The following KCTD20 variants were observed in gnomAD, a reference collection of about 807,000 sequenced individuals.
KCTD20 encodes the protein potassium channel tetramerization domain containing 20.
A neutral mutation model predicts 39.6 loss-of-function variants in KCTD20; 30 were observed. That is an observed-to-expected ratio of 0.76 (90% CI 0.57 to 1.03). The LOEUF is 1.03. Ranked by LOEUF, KCTD20 falls within the 50% of genes least tolerant of loss-of-function variation. The pLI is 0.00. For missense variants in KCTD20, 422 were observed against 522.0 expected (o/e 0.81, Z 1.87); for synonymous variants, 162 against 180.6 (o/e 0.90, Z 0.83).
intron 6 of KCTD20, among the ~76,000 whole-genome samples, chr6:36,482,531 C>T (rs894506276): frequency 4.9e-4 from 74 of 151,966 alleles, no homozygotes; most frequent in African/African-American, 1.7e-3. Context: ...CCAGCCCGGG[C>T]GACAGTGTGA....
At chr6:36,445,153 A>T (rs1239855554) in intron 1 of KCTD20, among the ~76,000 whole-genome samples, 2 of 151,284 alleles carry the variant, frequency 1.3e-5, no homozygotes, top group Non-Finnish European at 2.9e-5. Context: ...TCCCAGCTAC[A>T]CGGGAGGCTG....
intron 2 of KCTD20, among the ~76,000 whole-genome samples, chr6:36,473,634 A>C (rs957791108): frequency 1.3e-5 from 2 of 151,866 alleles, no homozygotes; most frequent in Non-Finnish European, 2.9e-5. Flanking sequence ...TTAGCCAGGC[A>C]TGGTGGCGGG....
chr6:36,474,838 C>T lies in KCTD20; in HGVS notation c.210C>T (p.His70=), dbSNP rs781465975. The change falls in exon 3 of 8, where the codon CAC becomes CAT. Residue 70 remains histidine, a synonymous_variant. Transcript: ENST00000373731. ...ASQPANLQFP[H]IMPLAEDIKG... ...AGCCAGCAAATCTTCAGTTCCCTCA[C>T]ATAATGCCCCTTGCTGAAGACATCA... The T allele has an allele frequency of 1.1e-5, 17 of 1,614,090 alleles. No individual in the cohort carries two copies. In the South Asian group the frequency reaches 1.4e-4, roughly 14 times the overall value.
In KCTD20 at chr6:36,481,899, C is replaced by G. The variant is rs3756912; in HGVS notation, c.856+140C>G. 1 of 708,924 alleles carries G rather than the reference C, an allele frequency of 1.4e-6. No individual in the cohort carries two copies. Among genetic ancestry groups the G allele is most frequent in the Non-Finnish European group, 2.4e-6 (1 of 409,214 alleles). The allele number at this position is 708,924 out of a possible 1,614,324, so 43.9% of individuals were successfully genotyped here. On this transcript the variant is annotated intron_variant, in intron 6 of 7. Coordinates refer to ENST00000373731, the MANE Select transcript of KCTD20 (RefSeq NM_173562.5). Reference sequence around the variant, plus strand: ...CACCTGGATGACAAATCCCTAGTGACGCAGGTCTAGCCTTTATGCTGGGGA... The same window carrying G: ...CACCTGGATGACAAATCCCTAGTGAGGCAGGTCTAGCCTTTATGCTGGGGA...
At chr6:36,483,801 G>A (rs994486134) in intron 6 of KCTD20, among the ~76,000 whole-genome samples, 3 of 151,952 alleles carry the variant, frequency 2.0e-5, no homozygotes, top group Non-Finnish European at 4.4e-5. Flanking sequence ...TTACAGGCGT[G>A]AGCCACTGTG....
chr6:36,482,501 C>T (rs911710971), intron 6 of KCTD20, among the ~76,000 whole-genome samples: 9 of 152,128 alleles, frequency 5.9e-5, no homozygotes, highest in Admixed American at 3.9e-4. Flanking sequence ...TGCAGTGAGC[C>T]GAGATCACGC....
At chr6:36,448,518 T>C (rs1238809571) in intron 1 of KCTD20, among the ~76,000 whole-genome samples, 1 of 152,192 alleles carries the variant, frequency 6.6e-6, no homozygotes. Flanking sequence ...ATTTTTGCAG[T>C]TGTATCTGTG....
At chr6:36,472,900 T>C (rs1320709988) in intron 2 of KCTD20, among the ~76,000 whole-genome samples, 1 of 122,876 alleles carries the variant, frequency 8.1e-6, no homozygotes, top group East Asian at 2.8e-4. Flanking sequence ...CATATATATA[T>C]AATTTTTTTT....
At chr6:36,448,015 G>GTGTATATATATATATATATA (rs559687288) in intron 1 of KCTD20, among the ~76,000 whole-genome samples, 2 of 128,952 alleles carry the variant, frequency 1.6e-5, no homozygotes, top group African/African-American at 6.9e-5. Flanking sequence ...ATGTGTGTGT[G>GTGTATATATATATATATATA]TATATATATA....
intron 5 of KCTD20, among the ~76,000 whole-genome samples, chr6:36,480,410 C>CTTTTTTT (rs550520667): frequency 3.3e-5 from 4 of 121,770 alleles, no homozygotes; most frequent in Admixed American, 8.5e-5. Context: ...ATGATATTGC[C>CTTTTTTT]TTTTTTTTTT....
At chr6:36,445,261 CAA>C (rs34039126) in intron 1 of KCTD20, among the ~76,000 whole-genome samples, 13 of 79,762 alleles carry the variant, frequency 1.6e-4, no homozygotes, top group Middle Eastern at 0.012. Flanking sequence ...GACTCCGTCT[CAA>C]AAAAAAAAAA....
At chr6:36,477,193 G>A (rs541449488) in intron 3 of KCTD20, among the ~76,000 whole-genome samples, 2 of 152,344 alleles carry the variant, frequency 1.3e-5, no homozygotes, top group East Asian at 3.9e-4. Flanking sequence ...GCTTACAGAT[G>A]TGGGCCACTA....
chr6:36,484,365 CTCTT>C (rs150499714), intron 6 of KCTD20, among the ~76,000 whole-genome samples: 8,746 of 152,224 alleles, frequency 0.057, 336 homozygotes, highest in South Asian at 0.14. Flanking sequence ...TTTGTGGCAG[CTCTT>C]TCTAATTAAG....
chr6:36,446,987 T>G (rs1775068532), intron 1 of KCTD20, among the ~76,000 whole-genome samples: 1 of 152,212 alleles, frequency 6.6e-6, no homozygotes, highest in Non-Finnish European at 1.5e-5. Flanking sequence ...CACAAGAGAT[T>G]AAGTTTGCCT....
rs1314100010 is a variant in KCTD20 at position 36,469,137 on chromosome 6, T to C, written c.-46-915T>C. Among the ~76,000 whole-genome samples, 2 of 152,220 alleles carry C rather than the reference T, an allele frequency of 1.3e-5. No individual in the cohort carries two copies. Among genetic ancestry groups the C allele is most frequent in the Non-Finnish European group, 2.9e-5 (2 of 68,046 alleles). ...TTCCTGTTTCCTAAAATATTAAGCATGTAATCCATATGCATACAAATTACT... is the reference window on the plus strand; with the variant it reads ...TTCCTGTTTCCTAAAATATTAAGCACGTAATCCATATGCATACAAATTACT... On this transcript the variant is annotated intron_variant, in intron 1 of 7. Coordinates refer to ENST00000373731, the MANE Select transcript of KCTD20 (RefSeq NM_173562.5). This position sits in a 1 kb window ranked among gnomAD's most constrained non-coding sequence, Gnocchi z 4.6.
chr6:36,486,330 A>G (rs1776422518), intron 7 of KCTD20, among the ~76,000 whole-genome samples: 1 of 152,210 alleles, frequency 6.6e-6, no homozygotes, highest in Non-Finnish European at 1.5e-5. Flanking sequence ...TCTGCCATAC[A>G]TATTTAATAG....
chr6:36,446,656 T>A (rs1775056955), intron 1 of KCTD20, among the ~76,000 whole-genome samples: 1 of 152,192 alleles, frequency 6.6e-6, no homozygotes, highest in Non-Finnish European at 1.5e-5. Flanking sequence ...ACAAAGAATT[T>A]AAGACTCATC....
intron 2 of KCTD20, among the ~76,000 whole-genome samples, chr6:36,474,279 A>T (rs1775998751): frequency 7.3e-6 from 1 of 137,444 alleles, no homozygotes; most frequent in Admixed American, 8.5e-5. Flanking sequence ...CTAAAATTTT[A>T]AAACAATTTT....
intron 3 of KCTD20, among the ~76,000 whole-genome samples, chr6:36,476,107 G>C (rs1365081675): frequency 1.3e-5 from 2 of 152,208 alleles, no homozygotes; most frequent in East Asian, 3.8e-4. Flanking sequence ...ACACTGTCCA[G>C]GAAGGAGTCT....
Sources: gnomAD v4.1 joint callset for allele counts (sites outside exome capture counted in the v4.1 genomes callset) on GRCh38, gnomAD v4.1.1 for gene constraint, Gnocchi (gnomAD v3.1) non-coding constraint, MANE v1.5 for transcripts, NCBI Gene and HGNC (gene_info 2026-07-23, HGNC 2026-07-21) for gene names.